Variants in SCN2A observed in about 807,000 individuals in gnomAD.
SCN2A encodes the protein sodium channel protein type 2 subunit alpha.
A neutral mutation model predicts 188.7 loss-of-function variants in SCN2A; 20 were observed. That is an observed-to-expected ratio of 0.11 (90% CI 0.07 to 0.15). The LOEUF (loss-of-function observed/expected upper bound fraction) is 0.15, where lower values mean the gene tolerates loss of function less well. SCN2A is among the 10% of genes least tolerant of loss of function. SCN2A has a pLI of 1.00. For missense variants in SCN2A, 1,278 were observed against 2,445.0 expected (o/e 0.52, Z 10.07); for synonymous variants, 804 against 833.1 (o/e 0.97, Z 0.60).
chr2:165,334,018 G>GA (rs1311577475), intron 14 of SCN2A, among the ~76,000 whole-genome samples: 3 of 149,644 alleles, frequency 2.0e-5, no homozygotes, highest in Non-Finnish European at 3.0e-5. Context: ...TAACCTATGT[G>GA]AAATTGAAAA....
chr2:165,345,930 C>T (rs534629369), intron 16 of SCN2A, among the ~76,000 whole-genome samples: 23 of 152,214 alleles, frequency 1.5e-4, no homozygotes, highest in African/African-American at 5.5e-4. Context: ...TTGGCATTTG[C>T]TTGTCTGTAA....
At chr2:165,364,540 T>C (rs1039800249) in intron 17 of SCN2A, among the ~76,000 whole-genome samples, 2 of 152,156 alleles carry the variant, frequency 1.3e-5, no homozygotes, top group African/African-American at 4.8e-5. Context: ...CAGGAGTGCA[T>C]TGGCCAAAGA....
At chr2:165,314,420 C>T (rs546124999) in intron 10 of SCN2A, among the ~76,000 whole-genome samples, 7 of 152,184 alleles carry the variant, frequency 4.6e-5, no homozygotes, top group African/African-American at 1.7e-4. Context: ...GTAGATAAAC[C>T]TACATGTCCT....
At chr2:165,317,668 A>G (rs1697833553) in intron 11 of SCN2A, among the ~76,000 whole-genome samples, 1 of 152,136 alleles carries the variant, frequency 6.6e-6, no homozygotes, top group African/African-American at 2.4e-5. Context: ...CATTTTGTTC[A>G]TAGATATGAT....
Position 165,310,252 on chromosome 2 carries a change from CAT to C in SCN2A, c.698-70_698-69del. On this transcript the variant is annotated intron_variant, in intron 6 of 26. Transcript: ENST00000375437. ...ACATTTTTATTTTCCAGGACAAGCT[CAT>C]GATATTTTTGCCGGTAAAATAGCTG... 5 of 1,473,310 alleles carry C rather than the reference CAT, an allele frequency of 3.4e-6. No individual in the cohort carries two copies. The East Asian group carries it at 1.1e-4, about 33-fold the overall frequency. 91.3% of individuals were successfully genotyped at this position (1,473,310 alleles called of 1,614,324 possible).
At chr2:165,378,584 C>A (rs776827451) in intron 23 of SCN2A, among the ~76,000 whole-genome samples, 1 of 151,690 alleles carries the variant, frequency 6.6e-6, no homozygotes, top group Non-Finnish European at 1.5e-5. Flanking sequence ...AGGCTTAATG[C>A]GTTAAATGGG....
intron 1 of SCN2A, among the ~76,000 whole-genome samples, chr2:165,255,012 T>C (rs1414741636): frequency 6.6e-6 from 1 of 152,016 alleles, no homozygotes; most frequent in Admixed American, 6.6e-5. Context: ...TGGCAATCTG[T>C]TCTATGCTTC....
chr2:165,274,537 A>G (rs1695248997), intron 1 of SCN2A, among the ~76,000 whole-genome samples: 3 of 152,210 alleles, frequency 2.0e-5, no homozygotes, highest in Admixed American at 6.5e-5. Context: ...TTACCAAAAC[A>G]CTTTTCACAC....
chr2:165,371,019 G>T (rs549429365), intron 20 of SCN2A: 1 of 152,262 alleles, frequency 6.6e-6, no homozygotes, highest in East Asian at 1.9e-4. Context: ...ACAAACAATA[G>T]AAAATGCACC....
chr2:165,307,963 G>A (rs780545151), intron 4 of SCN2A, 26 bp downstream of exon 4: 1 of 1,436,620 alleles, frequency 7.0e-7, no homozygotes, highest in South Asian at 1.1e-5. Context: ...TTTCAATATT[G>A]ACCTCCCTTT....
rs7560348 is a variant in SCN2A, at chr2:165,310,656, T to A, written c.970+61T>A. 0.25 allele frequency: 299,361 copies of A among 1,183,874 alleles called. 39,351 individuals carry two copies. Among genetic ancestry groups the A allele is most frequent in the Admixed American group, 0.35 (13,100 of 37,202 alleles). The allele number at this position is 1,183,874 out of a possible 1,614,324, so 73.3% of individuals were successfully genotyped here. On this transcript the variant is annotated intron_variant, in intron 7 of 26. Transcript: ENST00000375437. Reference sequence around the variant, plus strand: ...TTCTCTAAATATTAAATATTATATATAATGGAAATTATCTCAATTTAGATG... The same window carrying A: ...TTCTCTAAATATTAAATATTATATAAAATGGAAATTATCTCAATTTAGATG...
Position 165,310,375 on chromosome 2 carries a change from T to C in SCN2A, c.750T>C (p.Asp250=), listed in dbSNP as rs1697363003. ...TCCAGTCAGTGAAGAAGCTTTCTGA[T>C]GTCATGATCTTGACTGTGTTCTGTC... ...ALIQSVKKLS[D]VMILTVFCLS... The change falls in exon 7 of 27, where the codon GAT becomes GAC. Residue 250 remains aspartate, a synonymous_variant. Transcript: ENST00000375437. 7 of 1,613,676 alleles carry C rather than the reference T, an allele frequency of 4.3e-6. No individual in the cohort carries two copies. Among genetic ancestry groups the C allele is most frequent in the Non-Finnish European group, 5.9e-6 (7 of 1,179,634 alleles).
intron 16 of SCN2A, among the ~76,000 whole-genome samples, chr2:165,349,353 A>G (rs1699766639): frequency 6.6e-6 from 1 of 152,348 alleles, no homozygotes; most frequent in Admixed American, 6.5e-5. Context: ...TCAAAGCTAC[A>G]GATGATTTTT....
intron 19 of SCN2A, among the ~76,000 whole-genome samples, chr2:165,368,384 A>G (rs1700840704): frequency 6.6e-6 from 1 of 152,186 alleles, no homozygotes; most frequent in Non-Finnish European, 1.5e-5. Flanking sequence ...GGCAACATTT[A>G]AGTGAGAAAA....
In SCN2A at chr2:165,315,778, T is replaced by C; in HGVS notation, c.1671+20T>C. On this transcript the variant is annotated intron_variant, in intron 11 of 26. Transcript: ENST00000375437. Reference sequence around the variant, plus strand: ...CACCAGGTAAAAATATTAAATTACATGAATTGTGTTCTCATAAATTTTTTA... The same window carrying C: ...CACCAGGTAAAAATATTAAATTACACGAATTGTGTTCTCATAAATTTTTTA... 6.2e-7 allele frequency: 1 copy of C among 1,607,164 alleles called. No homozygotes were observed. Among genetic ancestry groups the C allele is most frequent in the African/African-American group, 1.3e-5 (1 of 74,690 alleles).
chr2:165,308,088 C>A, intron 4 of SCN2A, 151 bp downstream of exon 4: 1 of 709,766 alleles, frequency 1.4e-6, no homozygotes. Flanking sequence ...TAAATGTCTT[C>A]TAGGACAAAG....
chr2:165,330,184 G>A (rs897898571), intron 13 of SCN2A, among the ~76,000 whole-genome samples: 7 of 152,110 alleles, frequency 4.6e-5, no homozygotes, highest in African/African-American at 1.7e-4. Context: ...TGACTGACTA[G>A]AGTCAACTAT....
intron 12 of SCN2A, among the ~76,000 whole-genome samples, chr2:165,323,742 A>G (rs180717023): frequency 1.2e-3 from 187 of 152,358 alleles, no homozygotes; most frequent in Middle Eastern, 3.4e-3. Flanking sequence ...CATTATTACT[A>G]TGGTATGAAA....
intron 3 of SCN2A, among the ~76,000 whole-genome samples, chr2:165,305,173 A>C (rs541208335): frequency 6.6e-6 from 1 of 152,356 alleles, no homozygotes; most frequent in Admixed American, 6.5e-5. Context: ...CAGAAATCTA[A>C]GATTTCTCAT....
Sources: gnomAD v4.1 joint callset for allele counts (sites outside exome capture counted in the v4.1 genomes callset) on GRCh38, gnomAD v4.1.1 for gene constraint, MANE v1.5 for transcripts, NCBI Gene and HGNC (gene_info 2026-07-23, HGNC 2026-07-21) for gene names.